Variants in OR2T33 observed in about 807,000 individuals in gnomAD.
OR2T33 encodes olfactory receptor 2T33.
Under a neutral mutation model 14.0 loss-of-function variants are expected in OR2T33, and 10 were observed. The observed-to-expected ratio is 0.72, with a 90% confidence interval of 0.44 to 1.22. The LOEUF is 1.22. Ranked by LOEUF, OR2T33 falls within the 50% of genes most tolerant of loss-of-function variation. OR2T33 has a pLI of 0.00. For missense variants in OR2T33, 276 were observed against 405.9 expected (o/e 0.68, Z 2.75); for synonymous variants, 103 against 159.4 (o/e 0.65, Z 2.66).
At chr1:248,275,360 ATGTGCCAAGCC>A (rs373383582) in intron 1 of OR2T33, among the ~76,000 whole-genome samples, 4 of 152,328 alleles carry the variant, frequency 2.6e-5, no homozygotes, top group African/African-American at 9.6e-5. Context: ...AAGACACTAC[ATGTGCCAAGCC>A]TGTGCCAAGC....
In OR2T33 at chr1:248,277,269, G is replaced by A. The variant is rs186364071; in HGVS notation, c.-9+496C>T. 2.5e-3 allele frequency among the ~76,000 whole-genome samples: 381 copies of A among 152,056 alleles called. 3 individuals are homozygous for A. Among genetic ancestry groups the A allele is most frequent in the African/African-American group, 8.7e-3 (360 of 41,486 alleles). On this transcript the variant is annotated intron_variant, in intron 1 of 1. Coordinates refer to ENST00000641220, the MANE Select transcript of OR2T33 (RefSeq NM_001004695.2). ...CAAAACCATGCCCTTTCTGAAGCTG[G>A]TAGGTAAACTGATTATCATCCCCTT...
In OR2T33 at chr1:248,273,615, A is replaced by G. The variant is rs376910524; in HGVS notation, c.200T>C (p.Met67Thr). 3.8e-5 allele frequency: 62 copies of G among 1,613,584 alleles called. No individual in the cohort carries two copies. In the African/African-American group the frequency reaches 7.5e-4, roughly 19 times the overall value. The change falls in exon 2 of 2, where the codon ATG (methionine) becomes ACG (threonine). Residue 67 changes from methionine (M) to threonine (T), a missense_variant. Transcript: ENST00000641220. Reference sequence around the variant, plus strand: ...AGTGGTGGAAACCAGCATCATGTCCATGAGGGAAAGTTGGCTCAGGAGGAA... The same window carrying G: ...AGTGGTGGAAACCAGCATCATGTCCGTGAGGGAAAGTTGGCTCAGGAGGAA... ...MYFLLSQLSL[M>T]DMMLVSTTVP...
chr1:248,272,778 A>T lies in OR2T33; in HGVS notation c.*74T>A, dbSNP rs553218683. ...CAAAAACTTAATTTTCTCTGCATGAATTGCTAAAGGGAGAGAATAACAATG... is the reference window on the plus strand; with the variant it reads ...CAAAAACTTAATTTTCTCTGCATGATTTGCTAAAGGGAGAGAATAACAATG... On this transcript the variant is annotated 3_prime_UTR_variant, in exon 2 of 2. Transcript: ENST00000641220. 3.3e-6 allele frequency: 5 copies of T among 1,514,334 alleles called. No homozygotes were observed. The Admixed American group carries it at 9.0e-5, about 27-fold the overall frequency. The allele number at this position is 1,514,334 out of a possible 1,614,324, so 93.8% of individuals were successfully genotyped here.
intron 1 of OR2T33, among the ~76,000 whole-genome samples, chr1:248,277,126 C>T (rs1157492511): frequency 2.0e-5 from 3 of 148,972 alleles, no homozygotes; most frequent in Admixed American, 1.3e-4. Flanking sequence ...ATATATTTTT[C>T]TACATATATT....
chr1:248,273,704 C>A lies in OR2T33; in HGVS notation c.111G>T (p.Leu37=), dbSNP rs780335756. 1.2e-6 allele frequency: 2 copies of A among 1,613,844 alleles called. No homozygotes were observed. Among genetic ancestry groups the A allele is most frequent in the East Asian group, 2.2e-5 (1 of 44,858 alleles). ...GGAGAATCATGAGGGAATTGCCAAA[C>A]AGGGAGGTCAAAACGATACTCAGAA... is the stretch of plus-strand genomic sequence containing the variant. ...MMVLSIVLTS[L]FGNSLMILLI... Residue 37 remains leucine, a synonymous_variant, in exon 2 of 2, where the codon CTG becomes CTT. Transcript: ENST00000641220.
intron 1 of OR2T33, among the ~76,000 whole-genome samples, chr1:248,274,374 CAAT>C (rs1401841680): frequency 2.0e-5 from 3 of 152,144 alleles, no homozygotes; most frequent in African/African-American, 4.8e-5. Flanking sequence ...CTTTGAAGAA[CAAT>C]AATATCTCAC....
At chr1:248,274,883 TAGG>T (rs1659430409) in intron 1 of OR2T33, among the ~76,000 whole-genome samples, 1 of 152,218 alleles carries the variant, frequency 6.6e-6, no homozygotes. Flanking sequence ...TTTATTTTCT[TAGG>T]AGACACAATC....
At position 248,270,505 on chromosome 1, in the gene OR2T33, C is replaced by G. The variant is rs149666873; in HGVS notation, c.*2347G>C. The G allele has an allele frequency of 6.6e-6, 1 of 152,076 alleles. No individual in the cohort carries two copies. Among genetic ancestry groups the G allele is most frequent in the East Asian group, 1.9e-4 (1 of 5,174 alleles). The allele number at this position is 152,076 out of a possible 1,614,324, so 9.4% of individuals were successfully genotyped here. A position where few individuals can be genotyped will look rare whatever the true frequency, so the allele number is the denominator to read the frequency against. ...ATAAAATATCTACAGTAGATAAATC[C>G]AGAGAGACCAAATGCAGATTGGCAG... On this transcript the variant is annotated 3_prime_UTR_variant, in exon 2 of 2. Transcript: ENST00000641220.
intron 1 of OR2T33, 55 bp downstream of exon 1, chr1:248,277,710 T>A (rs941512556): frequency 6.6e-6 from 1 of 152,102 alleles, no homozygotes; most frequent in African/African-American, 2.4e-5. Context: ...TATGAGTAAT[T>A]TGAAATTACT....
rs781550061 is a variant in OR2T33 at position 248,273,218 on chromosome 1, G to A, written c.597C>T (p.Ile199=). 5 of 1,609,318 alleles carry A rather than the reference G, an allele frequency of 3.1e-6. No homozygotes were observed. ...DTSVFENAMY[I]CCVLMLLVPF... is the part of the protein sequence containing the mutation. Reference sequence around the variant, plus strand: ...GGACCAGGAGCATTAACACACAGCAGATGTACATGGCGTTTTCGAAGACTG... The same window carrying A: ...GGACCAGGAGCATTAACACACAGCAAATGTACATGGCGTTTTCGAAGACTG... The change falls in exon 2 of 2, where the codon ATC becomes ATT. Residue 199 remains isoleucine, a synonymous_variant. Coordinates refer to ENST00000641220, the MANE Select transcript of OR2T33 (RefSeq NM_001004695.2).
chr1:248,272,742 T>A lies in OR2T33; in HGVS notation c.*110A>T. Reference sequence around the variant, plus strand: ...TCACTTAATTCTTAAAAATATCCTATTATATCAATGCAAAAACTTAATTTT... The same window carrying A: ...TCACTTAATTCTTAAAAATATCCTAATATATCAATGCAAAAACTTAATTTT... On this transcript the variant is annotated 3_prime_UTR_variant, in exon 2 of 2. Coordinates refer to ENST00000641220, the MANE Select transcript of OR2T33 (RefSeq NM_001004695.2). The A allele has an allele frequency of 7.3e-7, 1 of 1,360,590 alleles. No homozygotes were observed. The highest frequency in any genetic ancestry group is 1.0e-6 in the Non-Finnish European group (1 of 994,814). 84.3% of individuals were successfully genotyped at this position (1,360,590 alleles called of 1,614,324 possible).
intron 1 of OR2T33, 46 bp from the exon 2 acceptor site, chr1:248,273,868 T>C (rs1472096553): frequency 5.7e-6 from 9 of 1,569,194 alleles, no homozygotes; most frequent in South Asian, 1.2e-5. Context: ...AAGAGGCTTT[T>C]ATGGTCTGAA....
chr1:248,272,529 G>A lies in OR2T33; in HGVS notation c.*323C>T, dbSNP rs7521689. 8.1e-6 allele frequency: 2 copies of A among 247,502 alleles called. No individual in the cohort carries two copies. The highest frequency in any genetic ancestry group is 1.5e-4 in the South Asian group (2 of 13,320). The allele number at this position is 247,502 out of a possible 1,614,324, so 15.3% of individuals were successfully genotyped here. ...TCTGGAGTCACTTCTTATTATTTCC[G>A]TGCTGTGTGAAATTGGGAACAATAT... On this transcript the variant is annotated 3_prime_UTR_variant, in exon 2 of 2. Transcript: ENST00000641220.
intron 1 of OR2T33, 119 bp from the exon 2 acceptor site, chr1:248,273,941 C>G (rs1387609202): frequency 4.6e-6 from 6 of 1,303,774 alleles, no homozygotes; most frequent in Non-Finnish European, 5.1e-6. Flanking sequence ...GGTAGTGATT[C>G]AAAGCCCTAA....
Position 248,273,428 on chromosome 1 carries a change from T to A in OR2T33, c.387A>T (p.Arg129=). ...GCTGCCAGCTCATGAGAGTGGGATA[T>A]CGGAGTGGGTGGCAGACAGCCGCAT... ...DRYAAVCHPL[R]YPTLMSWQLC... Residue 129 remains arginine, a synonymous_variant, in exon 2 of 2, where the codon CGA becomes CGT. Transcript: ENST00000641220. 1 of 1,612,564 alleles carries A rather than the reference T, an allele frequency of 6.2e-7. No individual in the cohort carries two copies. The highest frequency in any genetic ancestry group is 1.1e-5 in the South Asian group (1 of 91,004).
In OR2T33 at chr1:248,270,014, C is replaced by A. The variant is rs1659349386; in HGVS notation, c.*2838G>T. 1 of 152,032 alleles carries A rather than the reference C, an allele frequency of 6.6e-6. No homozygotes were observed. The highest frequency in any genetic ancestry group is 2.4e-5 in the African/African-American group (1 of 41,374). 9.4% of individuals were successfully genotyped at this position (152,032 alleles called of 1,614,324 possible). ...ATTCACAACAGCAAAGACTTGGAAC[C>A]AACACAAATTTCCAGCAATGATGGA... On this transcript the variant is annotated 3_prime_UTR_variant, in exon 2 of 2. Coordinates refer to ENST00000641220, the MANE Select transcript of OR2T33 (RefSeq NM_001004695.2).
chr1:248,277,400 A>G (rs558908060), intron 1 of OR2T33, among the ~76,000 whole-genome samples: 1 of 152,212 alleles, frequency 6.6e-6, no homozygotes, highest in South Asian at 2.1e-4. Context: ...CCTACCCTCC[A>G]CAAAGGCAGT....
chr1:248,274,114 G>C (rs1659422801), intron 1 of OR2T33, among the ~76,000 whole-genome samples: 1 of 152,052 alleles, frequency 6.6e-6, no homozygotes, highest in African/African-American at 2.4e-5. Context: ...AAAGTGTTAT[G>C]ATTTTTATAT....
intron 1 of OR2T33, among the ~76,000 whole-genome samples, chr1:248,277,069 T>A (rs2103032931): frequency 6.7e-6 from 1 of 150,298 alleles, no homozygotes; most frequent in East Asian, 1.9e-4. Flanking sequence ...ATAGCTGGAC[T>A]TAAAACATTC....
Sources: gnomAD v4.1 joint callset for allele counts (sites outside exome capture counted in the v4.1 genomes callset) on GRCh38, gnomAD v4.1.1 for gene constraint, MANE v1.5 for transcripts, NCBI Gene and HGNC (gene_info 2026-07-23, HGNC 2026-07-21) for gene names.